The following PTPRD variants were observed in gnomAD, a reference collection of about 807,000 sequenced individuals.
PTPRD encodes the protein protein tyrosine phosphatase receptor type D.
PTPRD carries 34 observed loss-of-function variants against 214.5 expected under a neutral mutation model. That is an observed-to-expected ratio of 0.16 (90% CI 0.12 to 0.21). The LOEUF (loss-of-function observed/expected upper bound fraction) is 0.21, where lower values mean the gene tolerates loss of function less well. Among genes scored for constraint, PTPRD ranks in the 10% least tolerant of loss-of-function variants. The probability of loss-of-function intolerance (pLI) is 1.00; values close to 1 mark genes in which losing one functional copy is unlikely to be tolerated. For missense variants in PTPRD, 2,545 were observed against 2,398.7 expected, an observed-to-expected ratio of 1.06 and a Z score of -1.27; for synonymous variants, 1,128 against 845.7, an observed-to-expected ratio of 1.33 and a Z score of -5.79.
At chr9:10,343,983 T>TTG (rs2097003664) in intron 2 of PTPRD, among the ~76,000 whole-genome samples, 1 of 135,626 alleles carries the variant, frequency 7.4e-6, no homozygotes, top group African/African-American at 2.8e-5. Flanking sequence ...TGGTAGTTTT[T>TTG]TTTTTTTTTT....
intron 11 of PTPRD, among the ~76,000 whole-genome samples, chr9:8,884,686 A>C (rs898290406): frequency 2.0e-4 from 30 of 152,244 alleles, no homozygotes; most frequent in African/African-American, 7.2e-4. Flanking sequence ...CAGTAGGCAA[A>C]TTGAAATCCA....
intron 10 of PTPRD, among the ~76,000 whole-genome samples, chr9:9,072,052 G>A (rs981781641): frequency 6.6e-6 from 1 of 152,070 alleles, no homozygotes; most frequent in Non-Finnish European, 1.5e-5. Context: ...TCCTCAGGCA[G>A]TGATTTGCAG....
intron 9 of PTPRD, among the ~76,000 whole-genome samples, chr9:9,229,708 T>C (rs1254606002): frequency 6.6e-6 from 1 of 152,080 alleles, no homozygotes; most frequent in East Asian, 1.9e-4. Flanking sequence ...AAAAAATACA[T>C]TTGTGGAACT....
At chr9:10,049,443 A>T (rs2097484785) in intron 3 of PTPRD, among the ~76,000 whole-genome samples, 1 of 124,938 alleles carries the variant, frequency 8.0e-6, no homozygotes, top group African/African-American at 2.8e-5. Flanking sequence ...AAGAAAAGAA[A>T]AAAAAAAACC....
chr9:10,469,218 T>G (rs2099014321), intron 2 of PTPRD, among the ~76,000 whole-genome samples: 2 of 152,210 alleles, frequency 1.3e-5, no homozygotes, highest in South Asian at 4.1e-4. Context: ...AGTTATGAAG[T>G]AGACCCAGAC....
chr9:10,403,621 A>C (rs1444320832), intron 2 of PTPRD, among the ~76,000 whole-genome samples: 1 of 151,602 alleles, frequency 6.6e-6, no homozygotes, highest in African/African-American at 2.4e-5. Flanking sequence ...CTAGATGAAC[A>C]ATAAACAAAT....
chr9:8,863,792 A>G (rs961006340), intron 11 of PTPRD, among the ~76,000 whole-genome samples: 1 of 152,110 alleles, frequency 6.6e-6, no homozygotes, highest in Non-Finnish European at 1.5e-5. Flanking sequence ...CAAATTGCCT[A>G]GTGTTTATTT....
chr9:9,700,681 C>T (rs557387199), intron 7 of PTPRD, among the ~76,000 whole-genome samples: 4 of 152,020 alleles, frequency 2.6e-5, no homozygotes, highest in Non-Finnish European at 5.9e-5. Flanking sequence ...ATTGTGTATA[C>T]AATATAATAT....
At chr9:9,317,408 G>C (rs1198526330) in intron 9 of PTPRD, among the ~76,000 whole-genome samples, 1 of 152,046 alleles carries the variant, frequency 6.6e-6, no homozygotes, top group Non-Finnish European at 1.5e-5. Flanking sequence ...TTAAAACTTT[G>C]CTTTTCCTTC....
rs192798826 is a variant in PTPRD at position 9,140,407 on chromosome 9, T to C, written c.-143+42897A>G. 1.0e-3 allele frequency among the ~76,000 whole-genome samples: 158 copies of C among 152,128 alleles called. 1 individual carries two copies. Among genetic ancestry groups the C allele is most frequent in the African/African-American group, 3.6e-3 (148 of 41,502 alleles). On this transcript the variant is annotated intron_variant, in intron 10 of 45. Transcript: ENST00000381196. ...TCTTCTTGTGTAACACCAAATCAAA[T>C]AGAGAGAAATACTAAAGAAGGACAG... is the stretch of plus-strand genomic sequence containing the variant.
At chr9:10,263,617 A>T (rs939954258) in intron 3 of PTPRD, among the ~76,000 whole-genome samples, 1 of 152,184 alleles carries the variant, frequency 6.6e-6, no homozygotes, top group Non-Finnish European at 1.5e-5. Context: ...TCTAGGCAAC[A>T]AAGTGTTCAA....
chr9:10,103,377 T>TTATATATGTATATATATATATATA (rs1591267279), intron 3 of PTPRD, among the ~76,000 whole-genome samples: 1 of 72,424 alleles, frequency 1.4e-5, no homozygotes, highest in Non-Finnish European at 2.5e-5. Flanking sequence ...AAACTGCATA[T>TTATATATGTATATATATATATATA]TATATATATA....
chr9:9,233,754 C>T (rs1458537978), intron 9 of PTPRD, among the ~76,000 whole-genome samples: 2 of 152,174 alleles, frequency 1.3e-5, no homozygotes, highest in African/African-American at 4.8e-5. Flanking sequence ...GTCATTAAAC[C>T]TTAAAGTTCC....
chr9:9,657,988 G>A (rs184519025), intron 7 of PTPRD, among the ~76,000 whole-genome samples: 350 of 152,202 alleles, frequency 2.3e-3, no homozygotes, highest in African/African-American at 8.2e-3. Context: ...TTAATTTTGA[G>A]TTTTATGTTT....
intron 2 of PTPRD, among the ~76,000 whole-genome samples, chr9:10,558,054 T>C (rs1047806177): frequency 6.6e-6 from 1 of 152,102 alleles, no homozygotes; most frequent in African/African-American, 2.4e-5. Flanking sequence ...GACTCATAAT[T>C]TCTATGGTTG....
chr9:8,636,104 A>G (rs534692464), intron 13 of PTPRD, among the ~76,000 whole-genome samples: 2 of 152,312 alleles, frequency 1.3e-5, no homozygotes, highest in South Asian at 4.1e-4. Flanking sequence ...CACTACTTGT[A>G]AAACACAGGT....
chr9:8,339,866 G>A (rs558848946), intron 42 of PTPRD, among the ~76,000 whole-genome samples: 2 of 151,148 alleles, frequency 1.3e-5, no homozygotes, highest in African/African-American at 4.8e-5. Flanking sequence ...TTTCAAAAGT[G>A]GATCTGGGAT....
At chr9:9,086,729 A>G (rs918326805) in intron 10 of PTPRD, among the ~76,000 whole-genome samples, 3 of 152,060 alleles carry the variant, frequency 2.0e-5, no homozygotes, top group African/African-American at 7.3e-5. Context: ...AGAGGATAAT[A>G]TTTGGGCTGG....
intron 3 of PTPRD, among the ~76,000 whole-genome samples, chr9:10,146,951 G>C (rs563510901): frequency 1.3e-5 from 2 of 152,132 alleles, no homozygotes; most frequent in Non-Finnish European, 2.9e-5. Flanking sequence ...GATAAGCCAA[G>C]ATCTTAGATC....
Sources: gnomAD v4.1 joint callset for allele counts (sites outside exome capture counted in the v4.1 genomes callset) on GRCh38, gnomAD v4.1.1 for gene constraint, MANE v1.5 for transcripts, NCBI Gene and HGNC (gene_info 2026-07-23, HGNC 2026-07-21) for gene names.